The following ZNF536 variants were observed in gnomAD, a reference collection of about 807,000 sequenced individuals.
The protein encoded by ZNF536 is zinc finger protein 536.
Under a neutral mutation model 84.5 loss-of-function variants are expected in ZNF536, and 13 were observed. That is an observed-to-expected ratio of 0.15 (90% CI 0.10 to 0.24). ZNF536 has a LOEUF of 0.24. ZNF536 is among the 10% of genes least tolerant of loss of function. ZNF536 has a pLI of 1.00. For synonymous variants in ZNF536, 811 were observed against 742.5 expected (o/e 1.09, Z -1.50); for missense variants, 1,536 against 1,747.5 (o/e 0.88, Z 2.16).
chr19:30,380,192 T>C (rs1490401852), intron 1 of ZNF536, among the ~76,000 whole-genome samples: 1 of 152,202 alleles, frequency 6.6e-6, no homozygotes, highest in African/African-American at 2.4e-5. Context: ...AAAACAGATT[T>C]TTTTTTTTGC....
chr19:30,272,903 AT>A (rs780047434), intron 1 of ZNF536, among the ~76,000 whole-genome samples: 62 of 151,366 alleles, frequency 4.1e-4, no homozygotes, highest in African/African-American at 1.1e-3. Context: ...ATTCATGCGC[AT>A]TTTTTTTTAA....
chr19:30,486,716 C>A (rs2054314946), intron 2 of ZNF536, among the ~76,000 whole-genome samples: 1 of 152,198 alleles, frequency 6.6e-6, no homozygotes, highest in Admixed American at 6.5e-5. Context: ...ACATTCCCAC[C>A]AATGGTGTAA....
chr19:30,237,244 T>C (rs1027416442), intron 1 of ZNF536, among the ~76,000 whole-genome samples: 2 of 152,084 alleles, frequency 1.3e-5, no homozygotes, highest in African/African-American at 4.8e-5. Flanking sequence ...AATAAAATAA[T>C]TTGTTCATTG....
chr19:30,475,790 C>T (rs1014245600), intron 2 of ZNF536, among the ~76,000 whole-genome samples: 2 of 152,160 alleles, frequency 1.3e-5, no homozygotes, highest in Non-Finnish European at 1.5e-5. Flanking sequence ...TAGGACCAGC[C>T]GCTCCTGGAA....
At chr19:30,303,036 C>A (rs1235816961) in intron 2 of ZNF536, among the ~76,000 whole-genome samples, 1 of 152,178 alleles carries the variant, frequency 6.6e-6, no homozygotes, top group South Asian at 2.1e-4. Flanking sequence ...CCTTCATAGA[C>A]AGGGGTGCTC....
At chr19:30,459,642 T>C (rs1014106230) in intron 2 of ZNF536, among the ~76,000 whole-genome samples, 4 of 152,160 alleles carry the variant, frequency 2.6e-5, no homozygotes, top group African/African-American at 9.6e-5. Context: ...TGTGCCACTG[T>C]ACCTGGCCTG....
chr19:30,425,111 A>T (rs1256443916), intron 1 of ZNF536, among the ~76,000 whole-genome samples: 1 of 152,092 alleles, frequency 6.6e-6, no homozygotes, highest in Non-Finnish European at 1.5e-5. Context: ...GAAAGGGGTG[A>T]GGGATAAAAG....
intron 1 of ZNF536, among the ~76,000 whole-genome samples, chr19:30,679,321 A>G (rs545972252): frequency 6.6e-6 from 1 of 152,342 alleles, no homozygotes; most frequent in African/African-American, 2.4e-5. Flanking sequence ...GCCCGCAGCT[A>G]GATGATGGAG....
intron 1 of ZNF536, among the ~76,000 whole-genome samples, chr19:30,614,322 C>G (rs2048205381): frequency 6.6e-6 from 1 of 151,802 alleles, no homozygotes; most frequent in South Asian, 2.1e-4. Context: ...GAGTTCTACT[C>G]TTTTTAGAGA....
chr19:30,401,073 T>C (rs1430006402), intron 1 of ZNF536, among the ~76,000 whole-genome samples: 1 of 152,174 alleles, frequency 6.6e-6, no homozygotes, highest in Non-Finnish European at 1.5e-5. Context: ...GTTGTTGTTG[T>C]TGTTTGTTTA....
At chr19:30,613,703 T>C (rs1039755424) in intron 1 of ZNF536, among the ~76,000 whole-genome samples, 3 of 152,228 alleles carry the variant, frequency 2.0e-5, no homozygotes, top group African/African-American at 2.4e-5. Flanking sequence ...ATAAGAAGAA[T>C]TGAGTCTTTC....
At chr19:30,447,041 C>A (rs1277866138) in intron 2 of ZNF536, among the ~76,000 whole-genome samples, 1 of 152,176 alleles carries the variant, frequency 6.6e-6, no homozygotes, top group African/African-American at 2.4e-5. Flanking sequence ...ATAACAAATA[C>A]CCTGTTACTA....
intron 2 of ZNF536, among the ~76,000 whole-genome samples, chr19:30,511,116 G>T (rs1355829090): frequency 6.6e-6 from 1 of 152,158 alleles, no homozygotes; most frequent in Non-Finnish European, 1.5e-5. Flanking sequence ...GAGGGGAGCC[G>T]TGGGTAAGAT....
At chr19:30,237,082 G>A (rs2023584355) in intron 1 of ZNF536, among the ~76,000 whole-genome samples, 1 of 151,668 alleles carries the variant, frequency 6.6e-6, no homozygotes, top group South Asian at 2.1e-4. Flanking sequence ...TGGCTAAGGA[G>A]CCTGGCCACT....
chr19:30,383,729 TTC>T (rs1364762081), intron 1 of ZNF536, among the ~76,000 whole-genome samples: 2 of 23,940 alleles, frequency 8.4e-5, no homozygotes, highest in African/African-American at 1.9e-4. Flanking sequence ...CTTTCTTTCT[TTC>T]TTTCTTTCTT....
intron 2 of ZNF536, among the ~76,000 whole-genome samples, chr19:30,518,433 T>C (rs2044179766): frequency 6.6e-6 from 1 of 152,212 alleles, no homozygotes; most frequent in Admixed American, 6.5e-5. Context: ...GATAGTGGAT[T>C]ATAACCGTGC....
chr19:30,440,754 G>T (rs1315116711), intron 1 of ZNF536, among the ~76,000 whole-genome samples: 1 of 152,086 alleles, frequency 6.6e-6, no homozygotes, highest in Non-Finnish European at 1.5e-5. Context: ...ACAAGAATAA[G>T]AACAGAGCCA....
At chr19:30,241,489 G>A (rs1025433815) in intron 1 of ZNF536, among the ~76,000 whole-genome samples, 12 of 152,176 alleles carry the variant, frequency 7.9e-5, no homozygotes, top group South Asian at 6.2e-4. Context: ...TGGCATCTGC[G>A]CCTGGACTTG....
chr19:30,675,214 G>GAGATTTGTA (rs1348467086), intron 1 of ZNF536, among the ~76,000 whole-genome samples: 1 of 152,206 alleles, frequency 6.6e-6, no homozygotes, highest in African/African-American at 2.4e-5. Flanking sequence ...CACTTCCACA[G>GAGATTTGTA]AGATTTGTAT....
Sources: gnomAD v4.1 joint callset for allele counts (sites outside exome capture counted in the v4.1 genomes callset) on GRCh38, gnomAD v4.1.1 for gene constraint, MANE v1.5 for transcripts, NCBI Gene and HGNC (gene_info 2026-07-23, HGNC 2026-07-21) for gene names.